NTM: variants seen among roughly 807,000 people sequenced by gnomAD.
The protein encoded by NTM is IgLON family member 2.
NTM carries 13 observed loss-of-function variants against 42.1 expected under a neutral mutation model. That is an observed-to-expected ratio of 0.31 (90% CI 0.20 to 0.49). NTM has a LOEUF of 0.49. Ranked by LOEUF, NTM falls within the 20% of genes least tolerant of loss-of-function variation. The pLI is 0.99. For missense variants in NTM, 373 were observed against 452.8 expected (o/e 0.82, Z 1.60); for synonymous variants, 187 against 179.2 (o/e 1.04, Z -0.35).
chr11:132,272,977 G>A (rs1281244503), intron 4 of NTM, among the ~76,000 whole-genome samples: 2 of 152,056 alleles, frequency 1.3e-5, no homozygotes, highest in African/African-American at 2.4e-5. Flanking sequence ...TTACCACTAA[G>A]TATAATGTTA....
intron 1 of NTM, among the ~76,000 whole-genome samples, chr11:131,754,295 G>GA (rs61665499): frequency 0.2 from 30,854 of 151,556 alleles, 4,551 homozygotes; most frequent in African/African-American, 0.42. Flanking sequence ...AAAAAAAAAA[G>GA]AAAAAAGAAA....
intron 2 of NTM, among the ~76,000 whole-genome samples, chr11:132,131,781 G>T (rs1037885873): frequency 1.8e-4 from 28 of 152,178 alleles, no homozygotes; most frequent in African/African-American, 6.5e-4. Context: ...CAAAAAGAGT[G>T]ACTGGACTGA....
chr11:131,682,181 C>T (rs1203742873), intron 1 of NTM, among the ~76,000 whole-genome samples: 1 of 152,184 alleles, frequency 6.6e-6, no homozygotes, highest in East Asian at 1.9e-4. Context: ...AGGTCTCACC[C>T]GTTCCTGATC....
chr11:131,399,371 C>A (rs1257194811), intron 1 of NTM, among the ~76,000 whole-genome samples: 1 of 152,156 alleles, frequency 6.6e-6, no homozygotes, highest in African/African-American at 2.4e-5. Flanking sequence ...GACTTCAGGG[C>A]TCTACAACCC....
At chr11:132,157,820 T>C (rs2073520292) in intron 3 of NTM, among the ~76,000 whole-genome samples, 1 of 152,196 alleles carries the variant, frequency 6.6e-6, no homozygotes, top group Non-Finnish European at 1.5e-5. Flanking sequence ...AAATGGCAAT[T>C]GCATTCTTCT....
intron 3 of NTM, among the ~76,000 whole-genome samples, chr11:132,189,641 TAC>T (rs35740557): frequency 0.014 from 2,096 of 148,742 alleles, 23 homozygotes; most frequent in African/African-American, 0.04. Flanking sequence ...TCACGGCAGA[TAC>T]ACACACACAC....
intron 2 of NTM, among the ~76,000 whole-genome samples, chr11:131,916,080 T>C (rs568739332): frequency 6.6e-6 from 1 of 152,174 alleles, no homozygotes; most frequent in South Asian, 2.1e-4. Context: ...TGAGGCAGAG[T>C]ACACCATGAA....
rs529612626 is a variant in NTM, at chr11:131,632,673, CTTTTTTTTT to C, written c.82+261796_82+261804del. Among the ~76,000 whole-genome samples the C allele has an allele frequency of 2.4e-5, 2 of 83,060 alleles. 1 individual carries two copies. The highest frequency in any genetic ancestry group is 9.9e-4 in the South Asian group (2 of 2,018). 54.5% of individuals were successfully genotyped at this position (83,060 alleles called of 152,430 possible). ...TTTCATCTTGGTCATGCTCGGGCAGCTTTTTTTTTTTTTTTTTTTGAGACGGAGTTTCGC... is the reference window on the plus strand; with the variant it reads ...TTTCATCTTGGTCATGCTCGGGCAGCTTTTTTTTTTGAGACGGAGTTTCGC... On this transcript the variant is annotated intron_variant, in intron 1 of 8. Coordinates refer to ENST00000683400, the MANE Select transcript of NTM (RefSeq NM_001352005.2).
chr11:131,911,443 TG>T (rs1481864799), intron 1 of NTM, 120 bp from the exon 2 acceptor site: 3 of 1,613,394 alleles, frequency 1.9e-6, no homozygotes, highest in Non-Finnish European at 2.5e-6. Context: ...GCGTGTGCCG[TG>T]CGGCTGCCGG....
chr11:131,600,481 CT>C (rs2060384157), intron 1 of NTM, among the ~76,000 whole-genome samples: 1 of 152,084 alleles, frequency 6.6e-6, no homozygotes, highest in Admixed American at 6.5e-5. Context: ...CAGCAATGGG[CT>C]TTTGGCTGCT....
intron 1 of NTM, among the ~76,000 whole-genome samples, chr11:131,698,170 A>G (rs1287435800): frequency 1.3e-5 from 2 of 152,086 alleles, no homozygotes; most frequent in Non-Finnish European, 2.9e-5. Context: ...TAAGGTTCCA[A>G]CCTTATGGAA....
intron 1 of NTM, among the ~76,000 whole-genome samples, chr11:131,692,207 A>G (rs1046599743): frequency 6.7e-6 from 1 of 149,142 alleles, no homozygotes; most frequent in African/African-American, 2.6e-5. Flanking sequence ...CCTGCCTACA[A>G]GAGGTGCCAC....
intron 1 of NTM, among the ~76,000 whole-genome samples, chr11:131,426,114 G>A (rs149915549): frequency 1.4e-4 from 22 of 152,216 alleles, no homozygotes; most frequent in Non-Finnish European, 2.8e-4. Context: ...TCTTTGAGGC[G>A]TATGCTTCAA....
chr11:131,901,820 A>G (rs2053203894), intron 1 of NTM, among the ~76,000 whole-genome samples: 1 of 152,260 alleles, frequency 6.6e-6, no homozygotes, highest in South Asian at 2.1e-4. Context: ...CTCCAGGTTC[A>G]AAGCTACCTG....
At chr11:131,671,629 T>C in intron 1 of NTM, 1 of 984,226 alleles carries the variant, frequency 1.0e-6, no homozygotes, top group Non-Finnish European at 1.2e-6. Flanking sequence ...GGCAAATGGC[T>C]CAGAGCCCTG....
At chr11:131,875,901 G>A (rs2137163819) in intron 1 of NTM, among the ~76,000 whole-genome samples, 1 of 152,310 alleles carries the variant, frequency 6.6e-6, no homozygotes, top group Middle Eastern at 3.4e-3. Flanking sequence ...CTGCAGCAGT[G>A]GCATCCTGAA....
At chr11:131,472,295 C>G (rs1952508939) in intron 1 of NTM, among the ~76,000 whole-genome samples, 1 of 152,178 alleles carries the variant, frequency 6.6e-6, no homozygotes. Context: ...CGGTACCACT[C>G]TTGCCCAGGA....
intron 1 of NTM, among the ~76,000 whole-genome samples, chr11:131,607,591 G>A (rs555105924): frequency 5.9e-5 from 9 of 152,148 alleles, no homozygotes; most frequent in Non-Finnish European, 1.0e-4. Context: ...GAAAGAGCTT[G>A]GGGTCAGGGT....
chr11:131,989,827 G>A (rs911207955), intron 2 of NTM, among the ~76,000 whole-genome samples: 5 of 151,990 alleles, frequency 3.3e-5, no homozygotes, highest in African/African-American at 1.2e-4. Context: ...TGCTTCAGAG[G>A]GAAAAGAATG....
Sources: allele counts gnomAD v4.1 joint callset (sites outside exome capture counted in the v4.1 genomes callset), GRCh38; gene constraint gnomAD v4.1.1; transcripts MANE v1.5; gene names NCBI Gene and HGNC (gene_info 2026-07-23, HGNC 2026-07-21).